DNAJB11: variants seen among roughly 807,000 people sequenced by gnomAD.
The protein encoded by DNAJB11 is DnaJ heat shock protein family (Hsp40) member B11.
DNAJB11 carries 30 observed loss-of-function variants against 47.2 expected under a neutral mutation model. That is an observed-to-expected ratio of 0.64 (90% CI 0.48 to 0.86). The LOEUF is 0.86. DNAJB11 is among the 40% of genes least tolerant of loss of function. The pLI, the probability that DNAJB11 is intolerant of heterozygous loss-of-function variation, is 0.00. For missense variants in DNAJB11, 357 were observed against 440.2 expected, an observed-to-expected ratio of 0.81 and a Z score of 1.69; for synonymous variants, 151 against 159.9, an observed-to-expected ratio of 0.94 and a Z score of 0.42.
chr3:186,576,939 A>G (rs1187010731), intron 3 of DNAJB11, among the ~76,000 whole-genome samples: 2 of 152,202 alleles, frequency 1.3e-5, no homozygotes, highest in African/African-American at 2.4e-5. Context: ...CATCTTCGCT[A>G]TGCTAATATA....
At chr3:186,572,347 ATTT>A in intron 2 of DNAJB11, 96 bp downstream of exon 2, 1 of 1,152,916 alleles carries the variant, frequency 8.7e-7, no homozygotes, top group Non-Finnish European at 1.2e-6. Flanking sequence ...ACATTTATTT[ATTT>A]ATTTATTTAT....
chr3:186,573,109 T>G (rs1013409502), intron 2 of DNAJB11, among the ~76,000 whole-genome samples: 3 of 152,214 alleles, frequency 2.0e-5, no homozygotes, highest in Admixed American at 1.3e-4. Flanking sequence ...ATATTTTTAT[T>G]CTCATTTTCT....
At chr3:186,583,793 T>C (rs571372912) in intron 7 of DNAJB11, 72 bp from the exon 8 acceptor site, 1 of 1,136,258 alleles carries the variant, frequency 8.8e-7, no homozygotes, top group South Asian at 1.3e-5. Flanking sequence ...TTCACCTTTT[T>C]CCAAGAATTT....
rs1715016027 is a variant in DNAJB11, at chr3:186,570,858, T to A, written c.-40T>A. The stretch of plus-strand genomic sequence containing the variant: ...GAGCCGACGCGGCGGCGGAGGAGGC[T>A]GTGAGGAGTGTGTGGAACAGGACCC... On this transcript the variant is annotated 5_prime_UTR_variant, in exon 1 of 10. Coordinates refer to ENST00000265028, the MANE Select transcript of DNAJB11 (RefSeq NM_016306.6). The A allele has an allele frequency of 6.3e-7, 1 of 1,577,250 alleles. No homozygotes were observed. Among genetic ancestry groups the A allele is most frequent in the South Asian group, 1.2e-5 (1 of 86,760 alleles).
chr3:186,578,457 C>G (rs953380994), intron 4 of DNAJB11: 2 of 152,102 alleles, frequency 1.3e-5, no homozygotes, highest in African/African-American at 4.8e-5. Context: ...CAAGTTAATA[C>G]TGTATTGCTT....
intron 7 of DNAJB11, among the ~76,000 whole-genome samples, chr3:186,583,588 A>C (rs939058528): frequency 6.6e-6 from 1 of 152,206 alleles, no homozygotes; most frequent in African/African-American, 2.4e-5. Context: ...CCTATTTCTG[A>C]AGATGATCTC....
chr3:186,581,201 G>T, intron 4 of DNAJB11, 170 bp from the exon 5 acceptor site: 1 of 606,022 alleles, frequency 1.7e-6, no homozygotes, highest in Non-Finnish European at 2.7e-6. Context: ...CCTGTTTGGG[G>T]GCTGATTTGT....
chr3:186,576,026 A>G (rs955736838), intron 3 of DNAJB11, 89 bp downstream of exon 3: 5 of 952,604 alleles, frequency 5.2e-6, no homozygotes, highest in Middle Eastern at 2.1e-4. Flanking sequence ...TAGTTCAGAA[A>G]CTTTTGATGA....
chr3:186,571,345 T>G (rs556070941), intron 1 of DNAJB11, among the ~76,000 whole-genome samples: 45 of 152,134 alleles, frequency 3.0e-4, no homozygotes, highest in Non-Finnish European at 6.0e-4. Context: ...ATAGTGACAG[T>G]GCCAGGCTGA....
chr3:186,575,951 C>T lies in DNAJB11; in HGVS notation c.323+14C>T. ...CATTTTTTCACAGTGAGTAATTTAC[C>T]CATCTGCAAAGTGTTAGTGTCTGAG... is the stretch of plus-strand genomic sequence containing the variant. On this transcript the variant is annotated intron_variant, in intron 3 of 9. Transcript: ENST00000265028. 6.3e-7 allele frequency: 1 copy of T among 1,576,812 alleles called. No homozygotes were observed. The highest frequency in any genetic ancestry group is 8.7e-7 in the Non-Finnish European group (1 of 1,146,498).
chr3:186,585,441 G>T lies in DNAJB11; in HGVS notation c.*33G>T. On this transcript the variant is annotated 3_prime_UTR_variant, in exon 10 of 10. Coordinates refer to ENST00000265028, the MANE Select transcript of DNAJB11 (RefSeq NM_016306.6). ...TAAAATTGGACTTTGTTTAAAATAA[G>T]TGAATAAGCGATATTTATTATCTGC... The T allele has an allele frequency of 6.7e-7, 1 of 1,503,262 alleles. No individual in the cohort carries two copies. 93.1% of individuals were successfully genotyped at this position (1,503,262 alleles called of 1,614,324 possible). A position where few individuals can be genotyped will look rare whatever the true frequency, so the allele number is the denominator to read the frequency against.
chr3:186,575,370 T>TGCGC (rs1715248188), intron 2 of DNAJB11, among the ~76,000 whole-genome samples: 5 of 47,694 alleles, frequency 1.0e-4, no homozygotes, highest in African/African-American at 2.5e-4. Flanking sequence ...CGCGCGCGCG[T>TGCGC]GTGTGTGTGT....
At chr3:186,571,791 T>C (rs189848146) in intron 1 of DNAJB11, among the ~76,000 whole-genome samples, 17 of 152,242 alleles carry the variant, frequency 1.1e-4, no homozygotes, top group African/African-American at 3.1e-4. Context: ...CATGAGACCA[T>C]AAAATAAGGA....
At chr3:186,576,837 C>T (rs996597891) in intron 3 of DNAJB11, among the ~76,000 whole-genome samples, 1 of 152,154 alleles carries the variant, frequency 6.6e-6, no homozygotes, top group Non-Finnish European at 1.5e-5. Context: ...GCTTCCCCAG[C>T]CCCCACCCTG....
rs756952533 is a variant in DNAJB11, at chr3:186,570,964, G to C, written c.67G>C (p.Gly23Arg). 28 of 1,590,658 alleles carry C rather than the reference G, an allele frequency of 1.8e-5. No individual in the cohort carries two copies. The highest frequency in any genetic ancestry group is 2.2e-5 in the Non-Finnish European group (26 of 1,169,220). The change falls in exon 1 of 10, where the codon GGA (glycine) becomes CGA (arginine). Residue 23 changes from glycine (G) to arginine (R), a missense_variant and splice_region_variant. Physicochemically the swap from Gly to Arg is moderately radical, Grantham distance 125 (BLOSUM62 -2). Transcript: ENST00000265028. ...LLYLIGAVIAGRDFYKILGVP... is the reference protein window; with the variant it reads ...LLYLIGAVIARRDFYKILGVP... ...ATACCTCATCGGGGCGGTGATTGCC[G>C]GGTGAGGAACAGACACTCGCAGACA...
In DNAJB11 at chr3:186,572,110, G is replaced by A; in HGVS notation, c.84G>A (p.Lys28=). The A allele has an allele frequency of 6.3e-7, 1 of 1,589,378 alleles. No individual in the cohort carries two copies. Among genetic ancestry groups the A allele is most frequent in the Non-Finnish European group, 8.5e-7 (1 of 1,171,862 alleles). ...GAVIAGRDFY[K]ILGVPRSASI... ...TACTTCCCAGACGAGATTTCTATAA[G>A]ATCTTGGGGGTGCCTCGAAGTGCCT... The change falls in exon 2 of 10, where the codon AAG becomes AAA. Residue 28 remains lysine, a synonymous_variant. Transcript: ENST00000265028.
chr3:186,584,531 G>A lies in DNAJB11; in HGVS notation c.954G>A (p.Leu318=). ...NFDNNNIKGS[L]IITFDVDFPK... ...ACAACAACAATATCAAGGGCTCTTTGATAATCACTTTTGATGTGGATTTTC... is the reference window on the plus strand; with the variant it reads ...ACAACAACAATATCAAGGGCTCTTTAATAATCACTTTTGATGTGGATTTTC... The change falls in exon 9 of 10, where the codon TTG becomes TTA. Residue 318 remains leucine (L), a synonymous_variant. Transcript: ENST00000265028. 16 of 1,599,326 alleles carry A rather than the reference G, an allele frequency of 1.0e-5. No individual in the cohort carries two copies. Among genetic ancestry groups the A allele is most frequent in the Non-Finnish European group, 1.4e-5 (16 of 1,175,680 alleles).
Position 186,575,938 on chromosome 3 carries a change from G to A in DNAJB11, c.323+1G>A. ...GCTCCCATGGAGACATTTTTTCACA[G>A]TGAGTAATTTACCCATCTGCAAAGT... On this transcript the variant is annotated splice_donor_variant, in intron 3 of 9. Coordinates refer to ENST00000265028, the MANE Select transcript of DNAJB11 (RefSeq NM_016306.6). LOFTEE classifies it high-confidence loss of function. 2 of 1,606,782 alleles carry A rather than the reference G, an allele frequency of 1.2e-6. No homozygotes were observed. Among genetic ancestry groups the A allele is most frequent in the Non-Finnish European group, 8.5e-7 (1 of 1,173,530 alleles).
At chr3:186,575,240 A>G (rs1253649192) in intron 2 of DNAJB11, among the ~76,000 whole-genome samples, 1 of 152,194 alleles carries the variant, frequency 6.6e-6, no homozygotes, top group Non-Finnish European at 1.5e-5. Flanking sequence ...TTCTTCCACA[A>G]ATGGATTTCT....
Sources: gnomAD v4.1 joint callset for allele counts (sites outside exome capture counted in the v4.1 genomes callset) on GRCh38, gnomAD v4.1.1 for gene constraint, MANE v1.5 for transcripts, NCBI Gene and HGNC (gene_info 2026-07-23, HGNC 2026-07-21) for gene names.